Variants in PLEKHM2 observed in about 807,000 individuals in gnomAD.
The protein encoded by PLEKHM2 is pleckstrin homology domain-containing family M member 2.
In PLEKHM2, 77 loss-of-function variants were observed where a neutral mutation model predicts 116.3. The ratio of observed to expected loss-of-function variants is 0.66; its 90% CI spans 0.55 to 0.80. The LOEUF is 0.80. Ranked by LOEUF, PLEKHM2 falls within the 30% of genes least tolerant of loss-of-function variation. The pLI, the probability that PLEKHM2 is intolerant of heterozygous loss-of-function variation, is 0.00. For synonymous variants in PLEKHM2, 562 were observed against 571.0 expected (o/e 0.98, Z 0.22); for missense variants, 1,183 against 1,354.9 (o/e 0.87, Z 1.99).
chr1:15,685,541 G>GAAAAAAAAAAAAAAAAAAAGAAAAA (rs1640751476), intron 1 of PLEKHM2, among the ~76,000 whole-genome samples: 3 of 73,486 alleles, frequency 4.1e-5, no homozygotes, highest in Non-Finnish European at 5.5e-5. Context: ...CTCAGAAACT[G>GAAAAAAAAAAAAAAAAAAAGAAAAA]AAAAAAAAAA....
chr1:15,702,624 G>A (rs759319428), intron 1 of PLEKHM2, among the ~76,000 whole-genome samples: 1 of 149,264 alleles, frequency 6.7e-6, no homozygotes, highest in African/African-American at 2.5e-5. Flanking sequence ...CATCATATTG[G>A]TTAGGCTGGT....
chr1:15,725,495 G>A lies in PLEKHM2; in HGVS notation c.891G>A (p.Glu297=), dbSNP rs61738982. 1 of 1,580,862 alleles carries A rather than the reference G, an allele frequency of 6.3e-7. No homozygotes were observed. Among genetic ancestry groups the A allele is most frequent in the South Asian group, 1.2e-5 (1 of 85,982 alleles). Residue 297 remains glutamate, a synonymous_variant, in exon 8 of 20, where the codon GAG becomes GAA. Coordinates refer to ENST00000375799, the MANE Select transcript of PLEKHM2 (RefSeq NM_015164.4). The part of the protein sequence containing the change: ...PVHTTSQEKE[E]AQALDPPDAC... ...ACACCACCTCTCAGGAGAAGGAGGA[G>A]GCCCAGGCCCTGGACCCGCCGGATG... is the stretch of plus-strand genomic sequence containing the variant.
Position 15,733,937 on chromosome 1 carries a change from C to T in PLEKHM2, c.*3C>T, listed in dbSNP as rs567449777. The T allele has an allele frequency of 1.9e-6, 3 of 1,610,380 alleles. No individual in the cohort carries two copies. The highest frequency in any genetic ancestry group is 2.7e-5 in the African/African-American group (2 of 74,980). On this transcript the variant is annotated 3_prime_UTR_variant, in exon 20 of 20. Transcript: ENST00000375799. ...CCTCCCGAGACCCCTGGTGCTGAGG[C>T]AGAGCTGGTTGGCGTCCCTGGTGGG... is the stretch of plus-strand genomic sequence containing the variant.
At chr1:15,723,975 A>C (rs12746673) in intron 7 of PLEKHM2, among the ~76,000 whole-genome samples, 32,041 of 152,104 alleles carry the variant, frequency 0.21, 3,559 homozygotes, top group African/African-American at 0.25. Context: ...AGGCAGTTTC[A>C]CCAGCTGGGC....
At position 15,730,046 on chromosome 1, in the gene PLEKHM2, T is replaced by TGGGCG. The variant is rs57687369; in HGVS notation, c.2208+147_2208+151dup. 5.7e-3 allele frequency: 934 copies of TGGGCG among 164,700 alleles called. 16 individuals carry two copies. The East Asian group carries it at 0.072, about 13-fold the overall frequency. The allele number at this position is 164,700 out of a possible 1,614,324, so 10.2% of individuals were successfully genotyped here. A position where few individuals can be genotyped will look rare whatever the true frequency, so the allele number is the denominator to read the frequency against. On this transcript the variant is annotated intron_variant, in intron 14 of 19. Coordinates refer to ENST00000375799, the MANE Select transcript of PLEKHM2 (RefSeq NM_015164.4). Reference sequence around the variant, plus strand: ...CTTTGCCATTTCACAATCGCCTACCTGGGCGGGGCGGGGCGGGGCGGGGCG... The same window carrying TGGGCG: ...CTTTGCCATTTCACAATCGCCTACCTGGGCGGGGCGGGGCGGGGCGGGGCGGGGCG...
At chr1:15,720,001 T>G in intron 6 of PLEKHM2, 81 bp downstream of exon 6, 1 of 1,215,242 alleles carries the variant, frequency 8.2e-7, no homozygotes. Context: ...GGTGATGTCT[T>G]CCTTGGCTAG....
chr1:15,683,751 G>A (rs1045082280), upstream of PLEKHM2, among the ~76,000 whole-genome samples: 4 of 149,868 alleles, frequency 2.7e-5, no homozygotes, highest in Admixed American at 6.6e-5. Flanking sequence ...GGAGTCTGAG[G>A]GTGTCTCTGA....
At chr1:15,689,766 T>C (rs1571017144) in intron 1 of PLEKHM2, among the ~76,000 whole-genome samples, 2 of 152,224 alleles carry the variant, frequency 1.3e-5, no homozygotes, top group African/African-American at 2.4e-5. Flanking sequence ...TTTTGTGTTT[T>C]TGTTTTTGAG....
chr1:15,704,914 G>A (rs1312602625), intron 1 of PLEKHM2, among the ~76,000 whole-genome samples: 2 of 152,190 alleles, frequency 1.3e-5, no homozygotes, highest in Non-Finnish European at 2.9e-5. Context: ...CAGGCATCAG[G>A]ATTACCTGGA....
rs1239975234 is a variant in PLEKHM2 at position 15,729,431 on chromosome 1, G to A, written c.2075+241G>A. ...GCGACTCTTGGGGGTGCTAGCATGA[G>A]TTGTTGGACAGGAAGGCAGGCAGAG... is the stretch of plus-strand genomic sequence containing the variant. On this transcript the variant is annotated intron_variant, in intron 13 of 19. Transcript: ENST00000375799. The surrounding 1 kb of genome is among the most constrained non-coding windows in gnomAD (Gnocchi z 4.7). Among the ~76,000 whole-genome samples the A allele has an allele frequency of 6.6e-6, 1 of 152,190 alleles. No individual in the cohort carries two copies. The highest frequency in any genetic ancestry group is 1.5e-5 in the Non-Finnish European group (1 of 68,030).
At position 15,713,830 on chromosome 1, in the gene PLEKHM2, G is replaced by A. The variant is rs144163893; in HGVS notation, c.61-2407G>A. On this transcript the variant is annotated intron_variant, in intron 1 of 19. Coordinates refer to ENST00000375799, the MANE Select transcript of PLEKHM2 (RefSeq NM_015164.4). ...TTTTGCATTTTGCTTAGTAGAGACG[G>A]GGTTTCACTATGTTAGCCAGGATGG... Among the ~76,000 whole-genome samples the A allele has an allele frequency of 9.2e-3, 1,405 of 152,110 alleles. 11 individuals are homozygous for A. The highest frequency in any genetic ancestry group is 0.015 in the Non-Finnish European group (1,030 of 68,000).
In PLEKHM2 at chr1:15,718,616, G is replaced by C; in HGVS notation, c.456G>C (p.Glu152Asp). ...CCGGGCTAGAGTTCATTCGTTTCGA[G>C]CTGGATCTGGTGAGACACCAGGGCT... ...LVSGLEFIRF[E>D]LDLDAPYLDL... The change falls in exon 5 of 20, where the codon GAG (glutamate) becomes GAC (aspartate). Residue 152 changes from glutamate (E) to aspartate (D), a missense_variant. Physicochemically the swap from Glu to Asp is conservative, Grantham distance 45 (BLOSUM62 2). This residue lies in a region of PLEKHM2 where 217 missense variants were observed against 277.6 expected (regional missense o/e 0.78). Transcript: ENST00000375799. The C allele has an allele frequency of 6.4e-7, 1 of 1,564,638 alleles. No homozygotes were observed. The highest frequency in any genetic ancestry group is 8.7e-7 in the Non-Finnish European group (1 of 1,152,284).
In PLEKHM2 at chr1:15,728,814, G is replaced by C; in HGVS notation, c.1986+81G>C. On this transcript the variant is annotated intron_variant, in intron 12 of 19. Transcript: ENST00000375799. This position sits in a 1 kb window ranked among gnomAD's most constrained non-coding sequence, Gnocchi z 5.9. ...ACTTACCCATAGAACTGCAGGGCGA[G>C]GCACGGCCCCTTACTCCCCTCCCGG... 7.7e-7 allele frequency: 1 copy of C among 1,299,078 alleles called. No homozygotes were observed. Among genetic ancestry groups the C allele is most frequent in the Non-Finnish European group, 1.1e-6 (1 of 917,510 alleles). 80.5% of individuals were successfully genotyped at this position (1,299,078 alleles called of 1,614,324 possible).
At chr1:15,731,292 G>A in intron 16 of PLEKHM2, 35 bp downstream of exon 16, 6 of 1,463,748 alleles carry the variant, frequency 4.1e-6, no homozygotes, top group Non-Finnish European at 5.6e-6. Flanking sequence ...GTATCCTGGG[G>A]CCCAGAGCTG....
chr1:15,707,999 C>T (rs113575725), intron 1 of PLEKHM2, among the ~76,000 whole-genome samples: 1 of 152,068 alleles, frequency 6.6e-6, no homozygotes, highest in East Asian at 1.9e-4. Flanking sequence ...ATTCTCCTGC[C>T]TCAGCCTCCC....
At chr1:15,720,785 G>C (rs1414942858) in intron 6 of PLEKHM2, 1 of 152,302 alleles carries the variant, frequency 6.6e-6, no homozygotes, top group Admixed American at 6.5e-5. Flanking sequence ...TCTCAAACTT[G>C]CTGTTAGCAA....
rs1325492057 is a variant in PLEKHM2, at chr1:15,727,184, C to T, written c.1112C>T (p.Ser371Phe). 1.2e-6 allele frequency: 2 copies of T among 1,603,866 alleles called. No individual in the cohort carries two copies. The highest frequency in any genetic ancestry group is 8.5e-7 in the Non-Finnish European group (1 of 1,175,310). ...GRDSPDTMLASPQEEGEGPSS... is the reference protein window; with the variant it reads ...GRDSPDTMLAFPQEEGEGPSS... ...GACTCGCCAGACACTATGCTTGCCT[C>T]CCCCCAGGAGGAGGGAGAGGGGCCG... The change falls in exon 9 of 20, where the codon TCC (serine) becomes TTC (phenylalanine). Residue 371 changes from serine (S) to phenylalanine (F), a missense_variant. Physicochemically the swap from Ser to Phe is radical, Grantham distance 155 (BLOSUM62 -2). Transcript: ENST00000375799. The surrounding 1 kb of genome is among the most constrained non-coding windows in gnomAD (Gnocchi z 7.5).
At chr1:15,703,197 C>T (rs1260134021) in intron 1 of PLEKHM2, among the ~76,000 whole-genome samples, 2 of 152,200 alleles carry the variant, frequency 1.3e-5, no homozygotes, top group Non-Finnish European at 2.9e-5. Context: ...GTCGAACCTG[C>T]CAGGCCAGGC....
intron 1 of PLEKHM2, among the ~76,000 whole-genome samples, chr1:15,688,934 G>A (rs1244181954): frequency 3.3e-5 from 5 of 151,946 alleles, no homozygotes; most frequent in African/African-American, 1.2e-4. Context: ...TGCAGAATGA[G>A]CAAAGACTAT....
Sources: allele counts gnomAD v4.1 joint callset (sites outside exome capture counted in the v4.1 genomes callset), GRCh38; gene constraint gnomAD v4.1.1; regional missense constraint gnomAD v4.1.1; non-coding constraint Gnocchi (gnomAD v3.1); transcripts MANE v1.5; gene names NCBI Gene and HGNC (gene_info 2026-07-23, HGNC 2026-07-21).